The following KIRREL3 variants were observed in gnomAD, a reference collection of about 807,000 sequenced individuals.
KIRREL3 encodes the protein kirre like nephrin family adhesion molecule 3.
KIRREL3 carries 36 observed loss-of-function variants against 89.7 expected under a neutral mutation model. The ratio of observed to expected loss-of-function variants is 0.40; its 90% confidence interval spans 0.31 to 0.53. KIRREL3 has a LOEUF of 0.53. Ranked by LOEUF, KIRREL3 falls within the 20% of genes least tolerant of loss-of-function variation. The pLI, the probability that KIRREL3 is intolerant of heterozygous loss-of-function variation, is 0.49. For missense variants in KIRREL3, 864 were observed against 1,056.6 expected (o/e 0.82, Z 2.53); for synonymous variants, 445 against 441.4 (o/e 1.01, Z -0.10).
In KIRREL3 at chr11:126,585,869, A is replaced by G. The variant is rs562079753; in HGVS notation, c.56-22957T>C. 4.1e-4 allele frequency among the ~76,000 whole-genome samples: 62 copies of G among 152,362 alleles called. 1 individual carries two copies. The highest frequency in any genetic ancestry group is 2.3e-3 in the South Asian group (11 of 4,826). Reference sequence around the variant, plus strand: ...TGTGTGTCTTAAAGCTCCCGCACGGAACGTGATTGGAGTTGGGCTTCAGCT... The same window carrying G: ...TGTGTGTCTTAAAGCTCCCGCACGGGACGTGATTGGAGTTGGGCTTCAGCT... On this transcript the variant is annotated intron_variant, in intron 1 of 16. Transcript: ENST00000525144.
chr11:126,543,662 T>C (rs537084124), intron 2 of KIRREL3, among the ~76,000 whole-genome samples: 3 of 152,256 alleles, frequency 2.0e-5, no homozygotes, highest in Admixed American at 1.3e-4. Flanking sequence ...GGGAAGCCGA[T>C]AGGACAGCCC....
chr11:126,922,290 C>A lies in KIRREL3; in HGVS notation c.55+78165G>T, dbSNP rs554738335. Among the ~76,000 whole-genome samples, 53 of 152,206 alleles carry A rather than the reference C, an allele frequency of 3.5e-4. 1 individual carries two copies. The South Asian group carries it at 0.011, about 32-fold the overall frequency. ...CCATGCTGCCTCCAGTCCCTGTGTG[C>A]CTCTGTGGTCAGATCATCCATTCTC... is the stretch of plus-strand genomic sequence containing the variant. On this transcript the variant is annotated intron_variant, in intron 1 of 16. Transcript: ENST00000525144.
chr11:126,848,812 C>T (rs956258634), intron 1 of KIRREL3, among the ~76,000 whole-genome samples: 3 of 152,196 alleles, frequency 2.0e-5, no homozygotes, highest in Admixed American at 6.5e-5. Context: ...CATACCAAAG[C>T]TTTCTGACTG....
At position 126,531,956 on chromosome 11, in the gene KIRREL3, C is replaced by A. The variant is rs1304007072; in HGVS notation, c.134-5269G>T. ...AAAATTGCTTTTGCATTATGAACTA[C>A]TAACCCGGCAGATACTGTTCAGAGC... is the stretch of plus-strand genomic sequence containing the variant. On this transcript the variant is annotated intron_variant, in intron 2 of 16. Coordinates refer to ENST00000525144, the MANE Select transcript of KIRREL3 (RefSeq NM_032531.4). This position sits in a 1 kb window ranked among gnomAD's most constrained non-coding sequence, Gnocchi z 4.7. Among the ~76,000 whole-genome samples the A allele has an allele frequency of 6.6e-6, 1 of 152,148 alleles. No homozygotes were observed. Among genetic ancestry groups the A allele is most frequent in the Non-Finnish European group, 1.5e-5 (1 of 68,034 alleles).
In KIRREL3 at chr11:126,744,594, G is replaced by A. The variant is rs1480717044; in HGVS notation, c.56-181682C>T. Among the ~76,000 whole-genome samples, 1 of 152,236 alleles carries A rather than the reference G, an allele frequency of 6.6e-6. No homozygotes were observed. Among genetic ancestry groups the A allele is most frequent in the Non-Finnish European group, 1.5e-5 (1 of 68,036 alleles). On this transcript the variant is annotated intron_variant, in intron 1 of 16. Coordinates refer to ENST00000525144, the MANE Select transcript of KIRREL3 (RefSeq NM_032531.4). The surrounding 1 kb of genome is among the most constrained non-coding windows in gnomAD (Gnocchi z 4.7). The stretch of plus-strand genomic sequence containing the variant: ...TATCTGGAACAATACAGAACAGACA[G>A]AGCCACTAAATGGGGCTGAGGAAAA...
Position 126,900,129 on chromosome 11 carries a change from T to C in KIRREL3, c.55+100326A>G, listed in dbSNP as rs1365387510. Among the ~76,000 whole-genome samples, 1 of 152,194 alleles carries C rather than the reference T, an allele frequency of 6.6e-6. No homozygotes were observed. The highest frequency in any genetic ancestry group is 6.5e-5 in the Admixed American group (1 of 15,272). ...GCACAATGGAGACACACTCCTTGGG[T>C]CAGGAAACTAAATGTGAGTGTATCT... On this transcript the variant is annotated intron_variant, in intron 1 of 16. Transcript: ENST00000525144. This position sits in a 1 kb window ranked among gnomAD's most constrained non-coding sequence, Gnocchi z 4.4.
rs1007053148 is a variant in KIRREL3 at position 126,970,278 on chromosome 11, T to C, written c.55+30177A>G. ...CCTTTTTGTTTTTCTTAATTTGAGC[T>C]TTCTCAGGAAGTTCTCTTCTTTTCC... is the stretch of plus-strand genomic sequence containing the variant. On this transcript the variant is annotated intron_variant, in intron 1 of 16. Coordinates refer to ENST00000525144, the MANE Select transcript of KIRREL3 (RefSeq NM_032531.4). The surrounding 1 kb of genome is among the most constrained non-coding windows in gnomAD (Gnocchi z 4.4). Among the ~76,000 whole-genome samples the C allele has an allele frequency of 3.9e-5, 6 of 152,238 alleles. No individual in the cohort carries two copies. Among genetic ancestry groups the C allele is most frequent in the African/African-American group, 1.4e-4 (6 of 41,468 alleles).
chr11:126,790,894 G>C (rs1452632787), intron 1 of KIRREL3, among the ~76,000 whole-genome samples: 1 of 152,158 alleles, frequency 6.6e-6, no homozygotes, highest in African/African-American at 2.4e-5. Flanking sequence ...GCAAATGACG[G>C]ATGGAACCGT....
In KIRREL3 at chr11:126,475,378, G is replaced by A. The variant is rs1445404570; in HGVS notation, c.434-1912C>T. On this transcript the variant is annotated intron_variant, in intron 4 of 16. Coordinates refer to ENST00000525144, the MANE Select transcript of KIRREL3 (RefSeq NM_032531.4). This position sits in a 1 kb window ranked among gnomAD's most constrained non-coding sequence, Gnocchi z 7.5. ...TTCTGTGAAAGCTCCAGGAGGGACA[G>A]GAAGCCCCAGTGGGGGCCGGTAAGA... 6.6e-6 allele frequency among the ~76,000 whole-genome samples: 1 copy of A among 152,256 alleles called. No homozygotes were observed. Among genetic ancestry groups the A allele is most frequent in the East Asian group, 1.9e-4 (1 of 5,198 alleles).
At chr11:126,962,475 T>C (rs1239014086) in intron 1 of KIRREL3, among the ~76,000 whole-genome samples, 1 of 152,188 alleles carries the variant, frequency 6.6e-6, no homozygotes, top group African/African-American at 2.4e-5. Flanking sequence ...ACCGAATTGC[T>C]GCAATCTTGT....
intron 1 of KIRREL3, among the ~76,000 whole-genome samples, chr11:126,913,947 C>A (rs555783308): frequency 6.6e-6 from 1 of 152,328 alleles, no homozygotes; most frequent in South Asian, 2.1e-4. Flanking sequence ...ATAGGTCACC[C>A]TTTCCACCTC....
intron 7 of KIRREL3, among the ~76,000 whole-genome samples, chr11:126,453,836 G>A (rs2134225900): frequency 6.6e-6 from 1 of 152,248 alleles, no homozygotes; most frequent in East Asian, 1.9e-4. Context: ...ATGAGGGAAG[G>A]TGACCAGGAA....
chr11:126,500,268 G>T (rs541674821), intron 4 of KIRREL3, among the ~76,000 whole-genome samples: 1 of 152,276 alleles, frequency 6.6e-6, no homozygotes, highest in South Asian at 2.1e-4. Flanking sequence ...TGTATTTTTA[G>T]TCTTATTTAA....
chr11:126,712,052 C>A (rs986947902), intron 1 of KIRREL3, among the ~76,000 whole-genome samples: 2 of 152,218 alleles, frequency 1.3e-5, no homozygotes, highest in Non-Finnish European at 2.9e-5. Context: ...CAGCCAGCCA[C>A]GCCCCACTCC....
rs1300059390 is a variant in KIRREL3, at chr11:126,683,926, A to G, written c.56-121014T>C. 1.3e-5 allele frequency among the ~76,000 whole-genome samples: 2 copies of G among 152,196 alleles called. No homozygotes were observed. The highest frequency in any genetic ancestry group is 4.8e-5 in the African/African-American group (2 of 41,454). On this transcript the variant is annotated intron_variant, in intron 1 of 16. Coordinates refer to ENST00000525144, the MANE Select transcript of KIRREL3 (RefSeq NM_032531.4). The surrounding 1 kb of genome is among the most constrained non-coding windows in gnomAD (Gnocchi z 5.2). ...GTCACTCCTGCCCAGGTCCCCCTTC[A>G]GGGACTGTCGTGGGCTGTGGCCTCA...
chr11:126,998,826 TA>T (rs781439836), intron 1 of KIRREL3, among the ~76,000 whole-genome samples: 2 of 152,120 alleles, frequency 1.3e-5, no homozygotes, highest in Non-Finnish European at 2.9e-5. Flanking sequence ...TTTGTGTGTT[TA>T]CGGGGGGTTG....
At position 126,877,469 on chromosome 11, in the gene KIRREL3, C is replaced by A. The variant is rs1157349038; in HGVS notation, c.55+122986G>T. On this transcript the variant is annotated intron_variant, in intron 1 of 16. Coordinates refer to ENST00000525144, the MANE Select transcript of KIRREL3 (RefSeq NM_032531.4). The surrounding 1 kb of genome is among the most constrained non-coding windows in gnomAD (Gnocchi z 4.9). The stretch of plus-strand genomic sequence containing the variant: ...TCTGCAATCCTGCAATGGAAAGAAT[C>A]TCTTTCCTCCACTCACTCACTTCCC... Among the ~76,000 whole-genome samples, 1 of 152,186 alleles carries A rather than the reference C, an allele frequency of 6.6e-6. No homozygotes were observed. Among genetic ancestry groups the A allele is most frequent in the African/African-American group, 2.4e-5 (1 of 41,442 alleles).
rs1196858148 is a variant in KIRREL3, at chr11:126,953,257, C to A, written c.55+47198G>T. Among the ~76,000 whole-genome samples, 1 of 151,900 alleles carries A rather than the reference C, an allele frequency of 6.6e-6. No homozygotes were observed. The highest frequency in any genetic ancestry group is 2.4e-5 in the African/African-American group (1 of 41,328). On this transcript the variant is annotated intron_variant, in intron 1 of 16. Transcript: ENST00000525144. This position sits in a 1 kb window ranked among gnomAD's most constrained non-coding sequence, Gnocchi z 5.2. ...AACAGAAAACCAAATATCACATGTT[C>A]TCACTCATAAGTGGGTGTCGAACAA...
At chr11:126,688,258 C>T (rs1032734326) in intron 1 of KIRREL3, among the ~76,000 whole-genome samples, 24 of 152,338 alleles carry the variant, frequency 1.6e-4, no homozygotes, top group Admixed American at 6.5e-4. Flanking sequence ...AATCACCTTC[C>T]TTTTCCATTT....
Sources: allele counts gnomAD v4.1 joint callset (sites outside exome capture counted in the v4.1 genomes callset), GRCh38; gene constraint gnomAD v4.1.1; non-coding constraint Gnocchi (gnomAD v3.1); transcripts MANE v1.5; gene names NCBI Gene and HGNC (gene_info 2026-07-23, HGNC 2026-07-21).